Variants in MSRA observed in about 807,000 individuals in gnomAD.
MSRA encodes the protein methionine sulfoxide reductase A.
In MSRA, 54 loss-of-function variants were observed where a neutral mutation model predicts 31.3. The observed-to-expected ratio is 1.73, with a 90% CI of 1.39 to 2.17. The LOEUF is 2.17. MSRA is among the 30% of genes most tolerant of loss of function. The pLI is 0.00. For missense variants in MSRA, 507 were observed against 300.9 expected, an observed-to-expected ratio of 1.69 and a Z score of -5.07; for synonymous variants, 169 against 116.5, an observed-to-expected ratio of 1.45 and a Z score of -2.90.
chr8:10,230,056 A>G (rs1172946688), intron 2 of MSRA, among the ~76,000 whole-genome samples: 1 of 152,220 alleles, frequency 6.6e-6, no homozygotes, highest in African/African-American at 2.4e-5. Flanking sequence ...TTACAGTTTA[A>G]TTCAGCAGAT....
intron 1 of MSRA, among the ~76,000 whole-genome samples, chr8:10,142,916 T>G (rs1430374924): frequency 6.6e-6 from 1 of 152,218 alleles, no homozygotes; most frequent in Admixed American, 6.5e-5. Context: ...AAACTCTAAT[T>G]GAAAATTAAA....
At chr8:10,375,590 G>C in intron 5 of MSRA, among the ~76,000 whole-genome samples, 1 of 152,150 alleles carries the variant, frequency 6.6e-6, no homozygotes, top group East Asian at 1.9e-4. Flanking sequence ...AAGGATTCGA[G>C]GGAGATGCTC....
At chr8:10,309,106 A>G (rs4841313) in intron 4 of MSRA, among the ~76,000 whole-genome samples, 13,343 of 152,052 alleles carry the variant, frequency 0.088, 1,008 homozygotes, top group Admixed American at 0.22. Context: ...CCCAGCCCTC[A>G]CCCCCATGAA....
chr8:10,136,926 A>G (rs1240367307), intron 1 of MSRA, among the ~76,000 whole-genome samples: 3 of 152,354 alleles, frequency 2.0e-5, no homozygotes, highest in African/African-American at 4.8e-5. Flanking sequence ...ATGGACGGCA[A>G]ATAGTCTGTC....
At chr8:10,077,479 CT>C (rs10714477) in intron 1 of MSRA, among the ~76,000 whole-genome samples, 66,184 of 101,168 alleles carry the variant, frequency 0.65, 22,428 homozygotes, top group Non-Finnish European at 0.75. Flanking sequence ...CTACCTTCTC[CT>C]TTTTTTTTTT....
At chr8:10,388,836 C>A (rs1245901937) in intron 5 of MSRA, among the ~76,000 whole-genome samples, 2 of 151,698 alleles carry the variant, frequency 1.3e-5, no homozygotes, top group African/African-American at 2.4e-5. Context: ...CTACTAGATG[C>A]CATTAGCTTG....
At chr8:10,071,062 T>G (rs969120485) in intron 1 of MSRA, among the ~76,000 whole-genome samples, 6 of 152,214 alleles carry the variant, frequency 3.9e-5, no homozygotes, top group Admixed American at 3.3e-4. Flanking sequence ...GCATGTTTAG[T>G]TTCATAAGAA....
In MSRA at chr8:10,323,462, C is replaced by G. The variant is rs187760843; in HGVS notation, c.543+3473C>G. Among the ~76,000 whole-genome samples, 55 of 152,248 alleles carry G rather than the reference C, an allele frequency of 3.6e-4. 1 individual carries two copies. The highest frequency in any genetic ancestry group is 3.2e-3 in the Admixed American group (49 of 15,288). Reference sequence around the variant, plus strand: ...GTGTTTGCAATGAAGATTTTCAGTTCAAGGCCAGTGCCTTCCGTGTGATGG... The same window carrying G: ...GTGTTTGCAATGAAGATTTTCAGTTGAAGGCCAGTGCCTTCCGTGTGATGG... On this transcript the variant is annotated intron_variant, in intron 5 of 5. Coordinates refer to ENST00000317173, the MANE Select transcript of MSRA (RefSeq NM_012331.5).
At chr8:10,226,727 G>T (rs1313587130) in intron 2 of MSRA, among the ~76,000 whole-genome samples, 2 of 151,714 alleles carry the variant, frequency 1.3e-5, no homozygotes, top group Non-Finnish European at 2.9e-5. Context: ...TTGTTTGTTT[G>T]TTTGTTTTTT....
At chr8:10,090,963 G>T (rs1367363490) in intron 1 of MSRA, among the ~76,000 whole-genome samples, 4 of 152,136 alleles carry the variant, frequency 2.6e-5, no homozygotes, top group Admixed American at 2.6e-4. Flanking sequence ...TTGCATTTTG[G>T]ATTATTATGA....
chr8:10,234,499 A>G (rs1011348096), intron 2 of MSRA, among the ~76,000 whole-genome samples: 17 of 152,126 alleles, frequency 1.1e-4, no homozygotes, highest in Non-Finnish European at 7.4e-5. Context: ...GGTCAAAGGC[A>G]GTCAGAAAAG....
intron 5 of MSRA, 200 bp downstream of exon 5, chr8:10,320,189 C>G: frequency 2.5e-6 from 1 of 404,250 alleles, no homozygotes; most frequent in Non-Finnish European, 4.4e-6. Flanking sequence ...TAGGCCTGGG[C>G]CAGGGCCAGT....
chr8:10,135,283 G>C (rs1290270970), intron 1 of MSRA, among the ~76,000 whole-genome samples: 1 of 152,232 alleles, frequency 6.6e-6, no homozygotes, highest in Non-Finnish European at 1.5e-5. Context: ...GAGTGGTGAG[G>C]AGAAAGTCAT....
At chr8:10,271,988 G>A (rs947711663) in intron 3 of MSRA, among the ~76,000 whole-genome samples, 15 of 152,128 alleles carry the variant, frequency 9.9e-5, no homozygotes, top group Admixed American at 2.0e-4. Context: ...GATTACAGGC[G>A]TGAGCCACTG....
At chr8:10,299,121 A>G (rs1351890506) in intron 3 of MSRA, among the ~76,000 whole-genome samples, 1 of 152,084 alleles carries the variant, frequency 6.6e-6, no homozygotes, top group Non-Finnish European at 1.5e-5. Context: ...ATATGCATTT[A>G]TTTGCTTTCA....
intron 5 of MSRA, among the ~76,000 whole-genome samples, chr8:10,335,307 C>A (rs1484949423): frequency 7.3e-6 from 1 of 136,530 alleles, no homozygotes; most frequent in Non-Finnish European, 1.5e-5. Context: ...GCCCTGTGAC[C>A]CTTTCTACTC....
At chr8:10,301,838 C>T (rs1800865958) in intron 4 of MSRA, among the ~76,000 whole-genome samples, 200 bp downstream of exon 4, 1 of 152,110 alleles carries the variant, frequency 6.6e-6, no homozygotes, top group Non-Finnish European at 1.5e-5. Context: ...ATTCGGCGCC[C>T]CTGCCCCCCT....
At chr8:10,427,983 C>G (rs190464180) in intron 5 of MSRA, among the ~76,000 whole-genome samples, 165 bp from the exon 6 acceptor site, 1 of 152,218 alleles carries the variant, frequency 6.6e-6, no homozygotes, top group Admixed American at 6.5e-5. Flanking sequence ...AAGTCCCTGC[C>G]CAGCGTCACT....
intron 1 of MSRA, among the ~76,000 whole-genome samples, chr8:10,157,787 T>C (rs1355955131): frequency 6.6e-6 from 1 of 151,988 alleles, no homozygotes; most frequent in Non-Finnish European, 1.5e-5. Flanking sequence ...TCTTCTTCTT[T>C]CTCTCTCTCC....
Sources: gnomAD v4.1 joint callset for allele counts (sites outside exome capture counted in the v4.1 genomes callset) on GRCh38, gnomAD v4.1.1 for gene constraint, MANE v1.5 for transcripts, NCBI Gene and HGNC (gene_info 2026-07-23, HGNC 2026-07-21) for gene names.